Variants in TFCP2 observed in about 807,000 individuals in gnomAD.
TFCP2 encodes alpha-globin transcription factor CP2.
A neutral mutation model predicts 73.4 loss-of-function variants in TFCP2; 33 were observed. The observed-to-expected ratio is 0.45, with a 90% CI of 0.34 to 0.60. TFCP2 has a LOEUF of 0.60. Among genes scored for constraint, TFCP2 ranks in the 20% least tolerant of loss-of-function variants. TFCP2 has a pLI of 0.01. For missense variants in TFCP2, 352 were observed against 604.0 expected (o/e 0.58, Z 4.37); for synonymous variants, 193 against 211.6 (o/e 0.91, Z 0.76).
At position 51,172,327 on chromosome 12, in the gene TFCP2, T is replaced by C. The variant is rs374015972; in HGVS notation, c.96A>G (p.Glu32=). 50 of 1,613,982 alleles carry C rather than the reference T, an allele frequency of 3.1e-5. No individual in the cohort carries two copies. Among genetic ancestry groups the C allele is most frequent in the South Asian group, 3.3e-5 (3 of 91,082 alleles). ...FDASLSGIGQ[E]LGAGAYSMSD... is the part of the protein sequence containing the mutation. ...TCATGCTATAGGCACCAGCACCCAG[T>C]TCCTGGCCGATCCCGGACAGGCTAG... Residue 32 remains glutamate, a synonymous_variant, in exon 1 of 15, where the codon GAA becomes GAG. Transcript: ENST00000257915.
intron 9 of TFCP2, 23 bp from the exon 10 acceptor site, chr12:51,103,786 T>C: frequency 2.5e-6 from 4 of 1,587,438 alleles, no homozygotes; most frequent in Non-Finnish European, 3.5e-6. Flanking sequence ...GCACGTTTTT[T>C]AGATAACCAA....
intron 1 of TFCP2, among the ~76,000 whole-genome samples, chr12:51,129,661 A>G (rs1380246838): frequency 1.3e-5 from 2 of 152,176 alleles, no homozygotes; most frequent in East Asian, 1.9e-4. Flanking sequence ...AGAGATTTCA[A>G]TAGCTCAGGG....
chr12:51,123,766 C>T (rs1592806802), intron 1 of TFCP2, among the ~76,000 whole-genome samples: 1 of 152,252 alleles, frequency 6.6e-6, no homozygotes, highest in Non-Finnish European at 1.5e-5. Flanking sequence ...GAAAGGAAGA[C>T]TTCTCTTTCC....
intron 1 of TFCP2, among the ~76,000 whole-genome samples, chr12:51,164,063 T>C (rs1941703352): frequency 6.6e-6 from 1 of 150,786 alleles, no homozygotes; most frequent in Admixed American, 6.7e-5. Flanking sequence ...ATTAGCTGGG[T>C]TTGGTGATGC....
chr12:51,110,042 T>C (rs1416192538), intron 5 of TFCP2, among the ~76,000 whole-genome samples: 1 of 152,040 alleles, frequency 6.6e-6, no homozygotes, highest in East Asian at 1.9e-4. Flanking sequence ...TAGAAGAACC[T>C]TGTCTGACTG....
chr12:51,144,792 T>C (rs1006829585), intron 1 of TFCP2, among the ~76,000 whole-genome samples: 4 of 152,232 alleles, frequency 2.6e-5, no homozygotes, highest in African/African-American at 4.8e-5. Context: ...CTGGACACGG[T>C]GACTCATGCC....
At chr12:51,132,632 G>A (rs1434741880) in intron 1 of TFCP2, among the ~76,000 whole-genome samples, 1 of 151,892 alleles carries the variant, frequency 6.6e-6, no homozygotes, top group Non-Finnish European at 1.5e-5. Context: ...GCCTCCCAAA[G>A]AGCTGGGATT....
chr12:51,122,847 A>C (rs959358941), intron 1 of TFCP2, among the ~76,000 whole-genome samples: 2 of 152,228 alleles, frequency 1.3e-5, no homozygotes, highest in Admixed American at 6.5e-5. Context: ...ATAGAAAATA[A>C]AGTAAAACAC....
intron 8 of TFCP2, 29 bp downstream of exon 8, chr12:51,106,496 T>C (rs1228011663): frequency 6.4e-7 from 1 of 1,555,324 alleles, no homozygotes; most frequent in Non-Finnish European, 8.8e-7. Flanking sequence ...TTTGGACAAA[T>C]ATAAGCCAAT....
intron 1 of TFCP2, among the ~76,000 whole-genome samples, chr12:51,163,318 G>A (rs531979930): frequency 8.5e-5 from 13 of 152,120 alleles, no homozygotes; most frequent in African/African-American, 1.9e-4. Context: ...GGCCGGGCGC[G>A]GTGGCTCACG....
chr12:51,145,456 C>T (rs12819225), intron 1 of TFCP2, among the ~76,000 whole-genome samples: 23,256 of 147,086 alleles, frequency 0.16, 2,182 homozygotes, highest in South Asian at 0.26. Flanking sequence ...ATTCCAGCTA[C>T]TTGGGAGGCT....
intron 1 of TFCP2, among the ~76,000 whole-genome samples, chr12:51,168,134 A>G (rs2137052172): frequency 6.6e-6 from 1 of 152,068 alleles, no homozygotes; most frequent in African/African-American, 2.4e-5. Context: ...AGTGGCTCAC[A>G]CCTATAATCC....
At chr12:51,130,779 GAGTTTA>G (rs1450826023) in intron 1 of TFCP2, among the ~76,000 whole-genome samples, 1 of 152,080 alleles carries the variant, frequency 6.6e-6, no homozygotes, top group African/African-American at 2.4e-5. Context: ...CTGAGGTCAG[GAGTTTA>G]AGACCAGCCT....
At chr12:51,142,489 T>C (rs1333769132) in intron 1 of TFCP2, among the ~76,000 whole-genome samples, 5 of 152,250 alleles carry the variant, frequency 3.3e-5, no homozygotes, top group Admixed American at 3.3e-4. Context: ...CTATATGCCC[T>C]TGAAACCATC....
At chr12:51,133,188 TAAC>T (rs1382952389) in intron 1 of TFCP2, among the ~76,000 whole-genome samples, 1 of 150,326 alleles carries the variant, frequency 6.7e-6, no homozygotes, top group Non-Finnish European at 1.5e-5. Flanking sequence ...TAAGAAAAAA[TAAC>T]AGAGCACAAA....
intron 2 of TFCP2, among the ~76,000 whole-genome samples, chr12:51,118,049 A>G (rs1940573911): frequency 6.6e-6 from 1 of 152,232 alleles, no homozygotes; most frequent in Admixed American, 6.5e-5. Context: ...AGAGCCAGGT[A>G]GAGTAATACT....
chr12:51,145,073 C>T (rs559518606), intron 1 of TFCP2, among the ~76,000 whole-genome samples: 22 of 151,708 alleles, frequency 1.5e-4, no homozygotes, highest in South Asian at 1.3e-3. Context: ...TGGTGGTGGG[C>T]GCCTGTATTC....
chr12:51,111,912 T>C (rs1940411561), intron 4 of TFCP2, among the ~76,000 whole-genome samples: 1 of 151,912 alleles, frequency 6.6e-6, no homozygotes, highest in South Asian at 2.1e-4. Context: ...ATCCCAGCAC[T>C]TTGGGAGGCC....
chr12:51,138,463 T>C (rs1459745225), intron 1 of TFCP2, among the ~76,000 whole-genome samples: 1 of 151,398 alleles, frequency 6.6e-6, no homozygotes, highest in Non-Finnish European at 1.5e-5. Context: ...GGCCTAGTTT[T>C]CTGTGTTTTA....
Sources: gnomAD v4.1 joint callset for allele counts (sites outside exome capture counted in the v4.1 genomes callset) on GRCh38, gnomAD v4.1.1 for gene constraint, MANE v1.5 for transcripts, NCBI Gene and HGNC (gene_info 2026-07-23, HGNC 2026-07-21) for gene names.